Variants in CNTNAP2 observed in about 807,000 individuals in gnomAD.
CNTNAP2 encodes the protein contactin-associated protein-like 2.
In CNTNAP2, 98 loss-of-function variants were observed where a neutral mutation model predicts 155.2. That is an observed-to-expected ratio of 0.63 (90% CI 0.54 to 0.75). The LOEUF is 0.75. Among genes scored for constraint, CNTNAP2 ranks in the 30% least tolerant of loss-of-function variants. The pLI, the probability that CNTNAP2 is intolerant of heterozygous loss-of-function variation, is 0.00. For missense variants in CNTNAP2, 1,727 were observed against 1,688.1 expected, an observed-to-expected ratio of 1.02 and a Z score of -0.40; for synonymous variants, 651 against 631.2, an observed-to-expected ratio of 1.03 and a Z score of -0.47.
rs1308568334 is a variant in CNTNAP2, at chr7:147,291,172, C to T, written c.1349-8969C>T. Among the ~76,000 whole-genome samples the T allele has an allele frequency of 2.0e-5, 3 of 151,848 alleles. No individual in the cohort carries two copies. In the East Asian group the frequency reaches 5.8e-4, roughly 29 times the overall value. ...TATTCTTTTTTTAAATTTTATTTTA[C>T]TTGAAGTTCTGGGATACATGTGCCG... On this transcript the variant is annotated intron_variant, in intron 8 of 23. Coordinates refer to ENST00000361727, the MANE Select transcript of CNTNAP2 (RefSeq NM_014141.6).
chr7:146,327,246 C>A (rs901026083), intron 1 of CNTNAP2, among the ~76,000 whole-genome samples: 1 of 152,102 alleles, frequency 6.6e-6, no homozygotes, highest in African/African-American at 2.4e-5. Flanking sequence ...GATTTAAGAG[C>A]AATCTGAACT....
intron 13 of CNTNAP2, among the ~76,000 whole-genome samples, chr7:147,807,352 C>CAAAAAAAAG: frequency 1.0e-5 from 1 of 98,658 alleles, no homozygotes; most frequent in South Asian, 3.4e-4. Context: ...AAAACGAAAA[C>CAAAAAAAAG]AAAAAAAAGA....
At chr7:147,605,844 A>G (rs1489188900) in intron 12 of CNTNAP2, among the ~76,000 whole-genome samples, 1 of 151,490 alleles carries the variant, frequency 6.6e-6, no homozygotes, top group Non-Finnish European at 1.5e-5. Flanking sequence ...TGTTTTGTGG[A>G]CCCCAGCACC....
chr7:147,129,974 G>A (rs145576541), intron 7 of CNTNAP2, among the ~76,000 whole-genome samples: 18 of 152,228 alleles, frequency 1.2e-4, no homozygotes, highest in Admixed American at 1.2e-3. Flanking sequence ...TGCTAGGCAA[G>A]TCGTATTTTA....
intron 1 of CNTNAP2, among the ~76,000 whole-genome samples, chr7:146,364,533 G>A (rs1215065808): frequency 1.3e-5 from 2 of 152,098 alleles, no homozygotes; most frequent in Non-Finnish European, 2.9e-5. Context: ...TGAAAATGTA[G>A]TGGTAATTAA....
intron 17 of CNTNAP2, among the ~76,000 whole-genome samples, chr7:148,152,380 G>T (rs1315535933): frequency 1.3e-5 from 2 of 152,082 alleles, no homozygotes; most frequent in African/African-American, 2.4e-5. Flanking sequence ...CTGCCTCAGG[G>T]TGACAGCCAC....
chr7:148,227,310 G>T (rs1795871118), intron 19 of CNTNAP2, among the ~76,000 whole-genome samples: 1 of 152,110 alleles, frequency 6.6e-6, no homozygotes, highest in Admixed American at 6.5e-5. Flanking sequence ...TGAGACAGAG[G>T]GCTCATGCTA....
chr7:147,421,256 C>T (rs556418533), intron 10 of CNTNAP2, among the ~76,000 whole-genome samples: 8 of 151,886 alleles, frequency 5.3e-5, no homozygotes, highest in African/African-American at 1.7e-4. Context: ...CTAATAACCA[C>T]GTTTCTGCTA....
intron 8 of CNTNAP2, among the ~76,000 whole-genome samples, chr7:147,133,268 T>C (rs1342301322): frequency 6.6e-6 from 1 of 152,124 alleles, no homozygotes; most frequent in Admixed American, 6.6e-5. Flanking sequence ...AGTAACTGTT[T>C]TCATCTATTT....
At chr7:146,831,757 A>G (rs1427192685) in intron 2 of CNTNAP2, among the ~76,000 whole-genome samples, 3 of 148,128 alleles carry the variant, frequency 2.0e-5, no homozygotes, top group Admixed American at 6.8e-5. Context: ...GTATTTGTCT[A>G]TACTCAGTTA....
At chr7:148,055,127 G>T (rs529590062) in intron 15 of CNTNAP2, among the ~76,000 whole-genome samples, 1 of 151,942 alleles carries the variant, frequency 6.6e-6, no homozygotes, top group Non-Finnish European at 1.5e-5. Flanking sequence ...CAGGTGATCT[G>T]CCTGCCTCGG....
chr7:147,929,328 T>C (rs1471178133), intron 14 of CNTNAP2, among the ~76,000 whole-genome samples: 1 of 152,062 alleles, frequency 6.6e-6, no homozygotes, highest in Non-Finnish European at 1.5e-5. Flanking sequence ...AGGGACAGCA[T>C]GTAACATGGA....
chr7:147,628,214 C>A (rs1795021839), intron 12 of CNTNAP2, among the ~76,000 whole-genome samples: 2 of 152,082 alleles, frequency 1.3e-5, no homozygotes, highest in Admixed American at 1.3e-4. Flanking sequence ...AGGAAAGAAT[C>A]TTAAGAGCTG....
At chr7:146,664,320 C>A (rs1800149380) in intron 1 of CNTNAP2, among the ~76,000 whole-genome samples, 1 of 151,756 alleles carries the variant, frequency 6.6e-6, no homozygotes, top group African/African-American at 2.4e-5. Context: ...TGCCACCATG[C>A]CGGGCTAATT....
chr7:148,177,846 G>A (rs563565629), intron 18 of CNTNAP2, among the ~76,000 whole-genome samples: 3 of 150,640 alleles, frequency 2.0e-5, no homozygotes, highest in Non-Finnish European at 4.4e-5. Context: ...AATATTACTG[G>A]ATGCAGAGTT....
intron 15 of CNTNAP2, among the ~76,000 whole-genome samples, chr7:148,096,816 G>C (rs1803981308): frequency 6.6e-6 from 1 of 152,184 alleles, no homozygotes; most frequent in Admixed American, 6.5e-5. Context: ...CCTGTCCCGA[G>C]CAAAAGAGCT....
At chr7:146,970,913 G>A (rs1797778584) in intron 3 of CNTNAP2, among the ~76,000 whole-genome samples, 1 of 151,900 alleles carries the variant, frequency 6.6e-6, no homozygotes, top group Non-Finnish European at 1.5e-5. Context: ...CCTTTGTAGG[G>A]ACATGGATGA....
At chr7:146,829,796 C>T (rs10239610) in intron 2 of CNTNAP2, among the ~76,000 whole-genome samples, 3 of 151,986 alleles carry the variant, frequency 2.0e-5, no homozygotes, top group Non-Finnish European at 4.4e-5. Flanking sequence ...AGCAATGTTA[C>T]GAGATTGAGT....
intron 10 of CNTNAP2, among the ~76,000 whole-genome samples, chr7:147,463,829 T>C (rs1798066043): frequency 6.6e-6 from 1 of 152,180 alleles, no homozygotes; most frequent in Non-Finnish European, 1.5e-5. Context: ...AGTAATTGTT[T>C]AAATAGTTTA....
Sources: gnomAD v4.1 joint callset for allele counts (sites outside exome capture counted in the v4.1 genomes callset) on GRCh38, gnomAD v4.1.1 for gene constraint, MANE v1.5 for transcripts, NCBI Gene and HGNC (gene_info 2026-07-23, HGNC 2026-07-21) for gene names.